Variants in XPO1 observed in about 807,000 individuals in gnomAD.
XPO1 encodes exportin 1, also known as exportin-1.
In XPO1, 5 loss-of-function variants were observed where a neutral mutation model predicts 133.3. That is an observed-to-expected ratio of 0.04 (90% CI 0.02 to 0.08). The LOEUF (loss-of-function observed/expected upper bound fraction) is 0.08. XPO1 is among the 10% of genes least tolerant of loss of function. The pLI, the probability that XPO1 is intolerant of heterozygous loss-of-function variation, is 1.00. For missense variants in XPO1, 506 were observed against 1,267.5 expected (o/e 0.40, Z 9.12); for synonymous variants, 419 against 408.2 (o/e 1.03, Z -0.32).
Position 61,526,461 on chromosome 2 carries a change from C to T in XPO1, c.187G>A (p.Val63Ile). The part of the protein sequence containing the change: ...LKEHPDAWTR[V>I]DTILEFSQNM... ...TGAGAAAATTCCAAAATTGTGTCGA[C>T]TCTTGTCCAAGCATCAGGATGCTCC... Residue 63 changes from valine to isoleucine, a missense_variant, in exon 3 of 25, where the codon GTC (valine) becomes ATC (isoleucine). Physicochemically the swap from Val to Ile is conservative, Grantham distance 29. This residue lies in a region of XPO1 where 68 missense variants were observed against 210.5 expected (regional missense o/e 0.32). Transcript: ENST00000401558. 1 of 1,609,668 alleles carries T rather than the reference C, an allele frequency of 6.2e-7. No individual in the cohort carries two copies. Among genetic ancestry groups the T allele is most frequent in the Non-Finnish European group, 8.5e-7 (1 of 1,179,042 alleles).
At position 61,538,347 on chromosome 2, in the gene XPO1, T is replaced by A. The variant is rs1424673259; in HGVS notation, c.-792A>T. On this transcript the variant is annotated 5_prime_UTR_variant, in exon 1 of 25. Coordinates refer to ENST00000401558, the MANE Select transcript of XPO1 (RefSeq NM_003400.4). The stretch of plus-strand genomic sequence containing the variant: ...TTTCAGCCCATGGCGCCGCGGAGCG[T>A]TTGGAACCTGGGCCTCCGCCCCCAG... The A allele has an allele frequency of 1.3e-5, 2 of 157,434 alleles. No homozygotes were observed. The highest frequency in any genetic ancestry group is 4.8e-5 in the African/African-American group (2 of 41,488). The allele number at this position is 157,434 out of a possible 1,614,324, so 9.8% of individuals were successfully genotyped here.
intron 4 of XPO1, among the ~76,000 whole-genome samples, chr2:61,511,676 G>A (rs1235311397): frequency 6.6e-6 from 1 of 152,156 alleles, no homozygotes; most frequent in Non-Finnish European, 1.5e-5. Flanking sequence ...TGGGATTGCA[G>A]GCCTCAATCA....
chr2:61,521,036 T>C (rs1280624119), intron 4 of XPO1, among the ~76,000 whole-genome samples: 2 of 152,196 alleles, frequency 1.3e-5, no homozygotes, highest in East Asian at 3.8e-4. Flanking sequence ...TCTCAGTCCA[T>C]CACAGAACGT....
rs763506850 is a variant in XPO1, at chr2:61,499,894, T to C, written c.409A>G (p.Ile137Val). ...TGTTTGGGCCATTCTTGTTTCAGTA[T>C]CTAAAACAAGACATGAAATGTTAAT... ...IGKLNMILVQ[I>V]LKQEWPKHWP... The change falls in exon 7 of 25, where the codon ATA (isoleucine) becomes GTA (valine). Residue 137 changes from isoleucine (I) to valine (V), a missense_variant and splice_region_variant. Transcript: ENST00000401558. 2.5e-6 allele frequency: 4 copies of C among 1,602,476 alleles called. No homozygotes were observed. Among genetic ancestry groups the C allele is most frequent in the African/African-American group, 2.7e-5 (2 of 74,268 alleles).
chr2:61,534,875 G>A (rs1699294359), intron 1 of XPO1, among the ~76,000 whole-genome samples: 1 of 85,386 alleles, frequency 1.2e-5, no homozygotes. Context: ...CAATGAATTG[G>A]GGGATTGAAA....
chr2:61,502,472 C>T (rs984064199), intron 4 of XPO1, 162 bp from the exon 5 acceptor site: 9 of 648,386 alleles, frequency 1.4e-5, no homozygotes, highest in African/African-American at 9.3e-5. Context: ...AATTCCGGCC[C>T]GGTGCGGTGG....
At chr2:61,483,912 G>C in intron 21 of XPO1, 25 bp downstream of exon 21, 1 of 1,606,338 alleles carries the variant, frequency 6.2e-7, no homozygotes, top group Non-Finnish European at 8.5e-7. Context: ...GCAGGCAAAT[G>C]AATAAAAGAA....
intron 19 of XPO1, 80 bp from the exon 20 acceptor site, chr2:61,486,042 A>C: frequency 7.7e-7 from 1 of 1,302,940 alleles, no homozygotes; most frequent in South Asian, 1.5e-5. Context: ...ATTCCTGTCT[A>C]TGAGATGTAG....
chr2:61,515,194 T>C (rs1201777771), intron 4 of XPO1, among the ~76,000 whole-genome samples: 8 of 152,112 alleles, frequency 5.3e-5, no homozygotes, highest in Non-Finnish European at 1.0e-4. Flanking sequence ...ATCTTGATTA[T>C]ACAGAGGTAG....
Position 61,478,983 on chromosome 2 carries a change from T to G in XPO1, c.3070-17A>C. 1 of 1,606,052 alleles carries G rather than the reference T, an allele frequency of 6.2e-7. No homozygotes were observed. The highest frequency in any genetic ancestry group is 8.5e-7 in the Non-Finnish European group (1 of 1,177,004). On this transcript the variant is annotated splice_polypyrimidine_tract_variant and intron_variant, in intron 24 of 24. Transcript: ENST00000401558. Reference sequence around the variant, plus strand: ...TGCAAATTCCTGTGAAAACAGATAGTTGAAATGTCAACGCAATAAACTTCA... The same window carrying G: ...TGCAAATTCCTGTGAAAACAGATAGGTGAAATGTCAACGCAATAAACTTCA...
At chr2:61,513,956 AG>A (rs1698224107) in intron 4 of XPO1, among the ~76,000 whole-genome samples, 1 of 151,912 alleles carries the variant, frequency 6.6e-6, no homozygotes, top group Admixed American at 6.6e-5. Flanking sequence ...AGGCTGAGGC[AG>A]GTGGATCACG....
rs763885441 is a variant in XPO1 at position 61,502,239 on chromosome 2, A to C, written c.363+10T>G. The stretch of plus-strand genomic sequence containing the variant: ...ATGCTCTCCCAATAAGCTCCAAAAT[A>C]AACTCTTACCTCTACACAAGTTGGG... On this transcript the variant is annotated intron_variant, in intron 5 of 24. Transcript: ENST00000401558. 9 of 1,609,622 alleles carry C rather than the reference A, an allele frequency of 5.6e-6. No homozygotes were observed. The South Asian group carries it at 1.0e-4, about 18-fold the overall frequency.
chr2:61,522,148 C>A (rs1182225416), intron 4 of XPO1, among the ~76,000 whole-genome samples: 1 of 152,034 alleles, frequency 6.6e-6, no homozygotes, highest in Non-Finnish European at 1.5e-5. Flanking sequence ...TGGCTCACTG[C>A]AGTCTCGACC....
chr2:61,500,168 C>A (rs1233411773), intron 6 of XPO1, among the ~76,000 whole-genome samples: 1 of 152,254 alleles, frequency 6.6e-6, no homozygotes, highest in East Asian at 1.9e-4. Context: ...GTATTAGTAT[C>A]TGCCTGATAG....
chr2:61,534,128 TGTTTA>T (rs930432726), intron 1 of XPO1: 122 of 381,938 alleles, frequency 3.2e-4, no homozygotes, highest in African/African-American at 2.4e-3. Flanking sequence ...ACTTTTCTAG[TGTTTA>T]GTTTATACAC....
intron 20 of XPO1, chr2:61,485,484 C>CCG (rs1553402566): frequency 1.2e-5 from 2 of 167,118 alleles, no homozygotes; most frequent in Admixed American, 6.4e-5. Flanking sequence ...CCCCCCCCCC[C>CCG]ACTTCAGCCT....
chr2:61,483,113 TG>T, intron 21 of XPO1, 22 bp from the exon 22 acceptor site: 1 of 1,600,188 alleles, frequency 6.2e-7, no homozygotes, highest in South Asian at 1.1e-5. Context: ...AGAATACCAA[TG>T]GAAAGTTACT....
At chr2:61,510,890 A>G (rs1698060738) in intron 4 of XPO1, among the ~76,000 whole-genome samples, 1 of 149,756 alleles carries the variant, frequency 6.7e-6, no homozygotes, top group Non-Finnish European at 1.5e-5. Flanking sequence ...TTAAGCCATG[A>G]TCCCGCCACT....
intron 16 of XPO1, among the ~76,000 whole-genome samples, 172 bp downstream of exon 16, chr2:61,491,863 G>A (rs1420163080): frequency 6.6e-6 from 1 of 152,228 alleles, no homozygotes; most frequent in Non-Finnish European, 1.5e-5. Flanking sequence ...TTGTGCCACT[G>A]CACTCAAGCC....
Sources: gnomAD v4.1 joint callset for allele counts (sites outside exome capture counted in the v4.1 genomes callset) on GRCh38, gnomAD v4.1.1 for gene constraint, gnomAD v4.1.1 regional missense constraint, MANE v1.5 for transcripts, NCBI Gene and HGNC (gene_info 2026-07-23, HGNC 2026-07-21) for gene names.